GLIS3: variants seen among roughly 807,000 people sequenced by gnomAD.
GLIS3 encodes the protein GLIS family zinc finger 3, also known as zinc finger protein GLIS3.
Under a neutral mutation model 78.6 loss-of-function variants are expected in GLIS3, and 53 were observed. The ratio of observed to expected loss-of-function variants is 0.67; its 90% CI spans 0.54 to 0.85. The LOEUF is 0.85. GLIS3 is among the 40% of genes least tolerant of loss of function. GLIS3 has a pLI of 0.00. For missense variants in GLIS3, 1,703 were observed against 1,231.1 expected (o/e 1.38, Z -5.74); for synonymous variants, 684 against 509.9 (o/e 1.34, Z -4.60).
At chr9:4,018,902 C>G (rs886633651) in intron 4 of GLIS3, among the ~76,000 whole-genome samples, 1 of 152,180 alleles carries the variant, frequency 6.6e-6, no homozygotes, top group African/African-American at 2.4e-5. Context: ...TGTGAATAAT[C>G]TTTGAATGTG....
intron 2 of GLIS3, among the ~76,000 whole-genome samples, chr9:4,243,651 A>G (rs1823535703): frequency 1.3e-5 from 2 of 152,232 alleles, no homozygotes; most frequent in South Asian, 4.1e-4. Flanking sequence ...GTGAAGGGTT[A>G]TTACAGAGTG....
At chr9:3,942,896 A>C (rs1274188691) in intron 4 of GLIS3, among the ~76,000 whole-genome samples, 1 of 152,240 alleles carries the variant, frequency 6.6e-6, no homozygotes, top group African/African-American at 2.4e-5. Context: ...TAAACAAAAG[A>C]ACTAGAAAAC....
At chr9:4,032,824 G>A (rs918535080) in intron 4 of GLIS3, among the ~76,000 whole-genome samples, 25 of 151,946 alleles carry the variant, frequency 1.6e-4, no homozygotes, top group African/African-American at 5.8e-4. Flanking sequence ...CAAGGAACCT[G>A]AGGCTGGAAT....
rs1158999615 is a variant in GLIS3, at chr9:4,245,491, CG to C, written c.388+40546del. ...TTCATGGTGTATGTACAGGAAACAACGTAGACAATATTAGAAAGGCAATTTG... is the reference window on the plus strand; with the variant it reads ...TTCATGGTGTATGTACAGGAAACAACTAGACAATATTAGAAAGGCAATTTG... On this transcript the variant is annotated intron_variant, in intron 2 of 10. Transcript: ENST00000381971. Among the ~76,000 whole-genome samples, 36 of 152,116 alleles carry C rather than the reference CG, an allele frequency of 2.4e-4. 1 individual carries two copies. Among genetic ancestry groups the C allele is most frequent in the Admixed American group, 2.0e-4 (3 of 15,266 alleles).
At chr9:4,077,220 T>G (rs1229835753) in intron 4 of GLIS3, among the ~76,000 whole-genome samples, 1 of 152,226 alleles carries the variant, frequency 6.6e-6, no homozygotes, top group African/African-American at 2.4e-5. Context: ...ACCTTATAGC[T>G]TAATTTCTAG....
the GLIS3 span, among the ~76,000 whole-genome samples, chr9:4,374,278 T>C: frequency 0.4 from 60,805 of 152,166 alleles, 14,612 homozygotes; most frequent in Admixed American, 0.53. Context: ...ATGGCTGTTA[T>C]GGGCTAAATC....
At chr9:3,828,705 T>G (rs1348997935) in intron 10 of GLIS3, among the ~76,000 whole-genome samples, 1 of 151,894 alleles carries the variant, frequency 6.6e-6, no homozygotes, top group African/African-American at 2.4e-5. Flanking sequence ...TAAGGTTGAG[T>G]CATGAAAGAG....
In GLIS3 at chr9:4,299,458, G is replaced by T. The variant is rs376513448; in HGVS notation, c.-136C>A. The T allele has an allele frequency of 1.3e-5, 2 of 152,470 alleles. No homozygotes were observed. The highest frequency in any genetic ancestry group is 2.4e-5 in the African/African-American group (1 of 41,458). The allele number at this position is 152,470 out of a possible 1,614,324, so 9.4% of individuals were successfully genotyped here. On this transcript the variant is annotated 5_prime_UTR_variant, in exon 1 of 11. Transcript: ENST00000381971. ...ATTTCCACAACAAAGCCCGGCGTGC[G>T]GGTCCCTTCCCCCGGCCGGCCAGCG...
chr9:3,947,303 T>C (rs1320974411), intron 4 of GLIS3, among the ~76,000 whole-genome samples: 1 of 152,276 alleles, frequency 6.6e-6, no homozygotes, highest in Non-Finnish European at 1.5e-5. Flanking sequence ...TTATTTACTA[T>C]GGTGTTTCCC....
chr9:4,128,254 T>C (rs1290907649), intron 2 of GLIS3, among the ~76,000 whole-genome samples: 1 of 152,230 alleles, frequency 6.6e-6, no homozygotes, highest in Non-Finnish European at 1.5e-5. Flanking sequence ...CTCCACTACC[T>C]GTTAGGCAGA....
chr9:4,066,525 C>T (rs760617968), intron 4 of GLIS3, among the ~76,000 whole-genome samples: 7 of 152,234 alleles, frequency 4.6e-5, no homozygotes, highest in African/African-American at 9.6e-5. Context: ...CTACTCTAGG[C>T]TGCTGGATTT....
chr9:4,097,185 T>A (rs979519471), intron 4 of GLIS3, among the ~76,000 whole-genome samples: 1 of 152,128 alleles, frequency 6.6e-6, no homozygotes, highest in Non-Finnish European at 1.5e-5. Flanking sequence ...GGGCAGAACA[T>A]CCTTTCTTCC....
chr9:3,924,554 T>G (rs564689742), intron 6 of GLIS3, among the ~76,000 whole-genome samples: 1 of 152,340 alleles, frequency 6.6e-6, no homozygotes, highest in South Asian at 2.1e-4. Flanking sequence ...ATCCACGCCC[T>G]TGTGTGAAGT....
intron 4 of GLIS3, among the ~76,000 whole-genome samples, chr9:4,021,742 A>G (rs1398161916): frequency 1.3e-5 from 2 of 152,186 alleles, no homozygotes; most frequent in Non-Finnish European, 2.9e-5. Context: ...GTATCCAGGT[A>G]TTCTGTCAGA....
intron 4 of GLIS3, among the ~76,000 whole-genome samples, chr9:4,055,707 A>G (rs949926738): frequency 6.6e-6 from 1 of 152,190 alleles, no homozygotes; most frequent in African/African-American, 2.4e-5. Flanking sequence ...ATCAGGTCCA[A>G]AATAAAATGC....
At chr9:4,190,755 T>C (rs184657990) in intron 2 of GLIS3, among the ~76,000 whole-genome samples, 2 of 151,982 alleles carry the variant, frequency 1.3e-5, no homozygotes, top group East Asian at 1.9e-4. Flanking sequence ...TTGAAATGAA[T>C]GAAAAAAATG....
intron 2 of GLIS3, among the ~76,000 whole-genome samples, chr9:4,234,279 C>G (rs1161093928): frequency 1.3e-5 from 2 of 152,182 alleles, no homozygotes; most frequent in African/African-American, 4.8e-5. Flanking sequence ...TTAAGCATTT[C>G]TAGCTTTTGA....
chr9:4,098,953 C>T (rs1259261198), intron 4 of GLIS3, among the ~76,000 whole-genome samples: 3 of 152,188 alleles, frequency 2.0e-5, no homozygotes, highest in Admixed American at 1.3e-4. Context: ...AGAAAACACA[C>T]ACTACAAGTA....
intron 4 of GLIS3, among the ~76,000 whole-genome samples, chr9:3,965,702 G>C (rs927667392): frequency 6.6e-6 from 1 of 152,160 alleles, no homozygotes; most frequent in Non-Finnish European, 1.5e-5. Context: ...TATGTTCCTA[G>C]TATTTGCAGC....
Sources: gnomAD v4.1 joint callset for allele counts (sites outside exome capture counted in the v4.1 genomes callset) on GRCh38, gnomAD v4.1.1 for gene constraint, MANE v1.5 for transcripts, NCBI Gene and HGNC (gene_info 2026-07-23, HGNC 2026-07-21) for gene names.